ENOX2: variants seen among roughly 807,000 people sequenced by gnomAD.
ENOX2 encodes ecto-NOX disulfide-thiol exchanger 2, also known as APK1 antigen.
Under a neutral mutation model 45.0 loss-of-function variants are expected in ENOX2, and 36 were observed. The ratio of observed to expected loss-of-function variants is 0.80; its 90% CI spans 0.61 to 1.06. The LOEUF is 1.06. ENOX2 is among the 50% of genes least tolerant of loss of function. The pLI, the probability that ENOX2 is intolerant of heterozygous loss-of-function variation, is 0.00. For missense variants in ENOX2, 423 were observed against 462.5 expected, an observed-to-expected ratio of 0.91 and a Z score of 0.78; for synonymous variants, 174 against 152.3, an observed-to-expected ratio of 1.14 and a Z score of -1.05.
chrX:130,865,040 A>ATTT (rs59866457), intron 2 of ENOX2, among the ~76,000 whole-genome samples: 4 of 94,586 alleles, frequency 4.2e-5, no homozygotes, highest in Admixed American at 2.4e-4. Flanking sequence ...TTGGACACAG[A>ATTT]TTTTTTTTTT....
chrX:130,840,284 A>T (rs1190853896), intron 2 of ENOX2, among the ~76,000 whole-genome samples: 1 of 111,065 alleles, frequency 9.0e-6, no homozygotes, highest in Non-Finnish European at 1.9e-5. Flanking sequence ...AAATATACAG[A>T]TTATTTACAT....
chrX:130,682,309 C>G (rs889024314), intron 5 of ENOX2, among the ~76,000 whole-genome samples: 2 of 109,683 alleles, frequency 1.8e-5, no homozygotes, highest in Non-Finnish European at 3.8e-5. Flanking sequence ...AGGCTCCATC[C>G]CCTGGCTACA....
chrX:130,824,675 T>C (rs1356595918), intron 2 of ENOX2, among the ~76,000 whole-genome samples: 13 of 111,324 alleles, frequency 1.2e-4, no homozygotes, highest in Non-Finnish European at 2.5e-4. Flanking sequence ...ATCCTTCAAA[T>C]CAATAACAAA....
intron 3 of ENOX2, among the ~76,000 whole-genome samples, chrX:130,768,979 C>G (rs947412191): frequency 9.0e-6 from 1 of 111,393 alleles, no homozygotes; most frequent in Non-Finnish European, 1.9e-5. Context: ...TTTAAGCTGA[C>G]TTACTCTTAA....
chrX:130,698,282 A>T (rs1418887450), intron 4 of ENOX2, among the ~76,000 whole-genome samples: 1 of 111,410 alleles, frequency 9.0e-6, no homozygotes, highest in Non-Finnish European at 1.9e-5. Context: ...ATGCATATTC[A>T]TAAAAGTAGG....
Position 130,629,043 on chromosome X carries a change from G to C in ENOX2, c.1529-1000C>G, listed in dbSNP as rs1463803332. On this transcript the variant is annotated intron_variant, in intron 13 of 14. Coordinates refer to ENST00000394363, the MANE Select transcript of ENOX2 (RefSeq NM_006375.4). ...TACAACTTGTCTGTCCCTTTAAGAG[G>C]CTGACAAAGACTAGCACAGGTTTAA... Among the ~76,000 whole-genome samples the C allele has an allele frequency of 3.6e-5, 4 of 111,579 alleles. No homozygotes were observed. In the East Asian group the frequency reaches 1.1e-3, roughly 31 times the overall value.
intron 2 of ENOX2, among the ~76,000 whole-genome samples, chrX:130,816,862 G>A (rs909390992): frequency 1.8e-5 from 2 of 111,288 alleles, no homozygotes; most frequent in African/African-American, 6.5e-5. Flanking sequence ...AACTAAAGCA[G>A]CAAGAGCAAA....
intron 2 of ENOX2, among the ~76,000 whole-genome samples, chrX:130,826,890 G>A (rs2077729444): frequency 9.0e-6 from 1 of 111,290 alleles, no homozygotes; most frequent in African/African-American, 3.3e-5. Context: ...TCACTTATTG[G>A]GGCTTGGATA....
Position 130,714,690 on chromosome X carries a change from G to T in ENOX2, c.-38-11436C>A, listed in dbSNP as rs745723767. Among the ~76,000 whole-genome samples the T allele has an allele frequency of 1.4e-3, 155 of 111,878 alleles. 1 individual carries two copies. The highest frequency in any genetic ancestry group is 2.6e-3 in the Non-Finnish European group (138 of 53,190). On this transcript the variant is annotated intron_variant, in intron 3 of 14. Transcript: ENST00000394363. ...AACTTGTGAAAGCCATATATTATGT[G>T]ATGGTACCCAGGTGAAAACTACATG...
At position 130,703,154 on chromosome X, in the gene ENOX2, T is replaced by C; in HGVS notation, c.63A>G (p.Ala21=). 5 of 1,209,577 alleles carry C rather than the reference T, an allele frequency of 4.1e-6. No homozygotes were observed. The highest frequency in any genetic ancestry group is 5.6e-6 in the Non-Finnish European group (5 of 894,025). Residue 21 remains alanine, a synonymous_variant, in exon 4 of 15, where the codon GCA becomes GCG. Coordinates refer to ENST00000394363, the MANE Select transcript of ENOX2 (RefSeq NM_006375.4). The stretch of plus-strand genomic sequence containing the variant: ...TTGGTTGTCCGGCAATTCCCAGCGG[T>C]GCCATTCCAAGATTATTCATTGCTG... ...WATAMNNLGM[A]PLGIAGQPIL...
intron 3 of ENOX2, among the ~76,000 whole-genome samples, chrX:130,778,180 G>A (rs1162981157): frequency 1.8e-5 from 2 of 111,696 alleles, no homozygotes; most frequent in African/African-American, 6.5e-5. Context: ...TTCCTGGTTC[G>A]TAGCCCTCCT....
At chrX:130,861,623 G>A (rs907422471) in intron 2 of ENOX2, among the ~76,000 whole-genome samples, 9 of 111,587 alleles carry the variant, frequency 8.1e-5, no homozygotes, top group African/African-American at 2.9e-4. Context: ...TCCAGGGCCT[G>A]GGAGGAGAGT....
intron 2 of ENOX2, among the ~76,000 whole-genome samples, chrX:130,855,554 C>T (rs1360974148): frequency 1.8e-5 from 2 of 111,358 alleles, no homozygotes; most frequent in Non-Finnish European, 3.8e-5. Flanking sequence ...AAAATCCCAG[C>T]AAGATTTTTT....
intron 2 of ENOX2, among the ~76,000 whole-genome samples, chrX:130,876,667 G>T (rs901483510): frequency 2.7e-5 from 3 of 111,491 alleles, no homozygotes; most frequent in Non-Finnish European, 5.7e-5. Context: ...CGGAGCACAT[G>T]ATGATTGTTT....
intron 3 of ENOX2, among the ~76,000 whole-genome samples, chrX:130,717,484 A>G (rs1327981287): frequency 2.7e-5 from 3 of 111,966 alleles, no homozygotes; most frequent in Admixed American, 9.5e-5. Flanking sequence ...AAATTCTGGG[A>G]AAGCATGCCC....
rs1280650363 is a variant in ENOX2, at chrX:130,662,388, G to A, written c.1014+3255C>T. On this transcript the variant is annotated intron_variant, in intron 9 of 14. Coordinates refer to ENST00000394363, the MANE Select transcript of ENOX2 (RefSeq NM_006375.4). ...AAGGATGACAATGAGACAAGGAACA[G>A]GCACTTTGTGACATGAGGAGGTCAT... Among the ~76,000 whole-genome samples, 7 of 112,197 alleles carry A rather than the reference G, an allele frequency of 6.2e-5. No individual in the cohort carries two copies. In the Admixed American group the frequency reaches 6.6e-4, roughly 11 times the overall value.
chrX:130,753,185 T>C (rs2039269413), intron 3 of ENOX2, among the ~76,000 whole-genome samples: 1 of 111,076 alleles, frequency 9.0e-6, no homozygotes, highest in Non-Finnish European at 1.9e-5. Flanking sequence ...TTTCTCTGCT[T>C]CTGGGTCTTT....
intron 2 of ENOX2, among the ~76,000 whole-genome samples, chrX:130,898,582 T>G (rs758808996): frequency 9.0e-6 from 1 of 110,771 alleles, no homozygotes; most frequent in South Asian, 3.9e-4. Flanking sequence ...TGATGTGAAT[T>G]TTCTCTTAAT....
At chrX:130,788,246 T>C (rs1264891028) in intron 2 of ENOX2, among the ~76,000 whole-genome samples, 1 of 112,366 alleles carries the variant, frequency 8.9e-6, no homozygotes, top group Non-Finnish European at 1.9e-5. Flanking sequence ...TATAAAAATA[T>C]TGGCAATTAC....
Sources: gnomAD v4.1 joint callset for allele counts (sites outside exome capture counted in the v4.1 genomes callset) on GRCh38, gnomAD v4.1.1 for gene constraint, MANE v1.5 for transcripts, NCBI Gene and HGNC (gene_info 2026-07-23, HGNC 2026-07-21) for gene names.